CNTNAP3: variants seen among roughly 807,000 people sequenced by gnomAD.
CNTNAP3 encodes contactin associated protein family member 3, also known as contactin-associated protein-like 3.
In CNTNAP3, 36 loss-of-function variants were observed where a neutral mutation model predicts 92.1. The observed-to-expected ratio is 0.39, with a 90% CI of 0.30 to 0.52. CNTNAP3 has a LOEUF of 0.52. CNTNAP3 is among the 20% of genes least tolerant of loss of function. The pLI, the probability that CNTNAP3 is intolerant of heterozygous loss-of-function variation, is 0.76. For missense variants in CNTNAP3, 534 were observed against 1,069.6 expected (o/e 0.50, Z 6.98); for synonymous variants, 232 against 422.3 (o/e 0.55, Z 5.53).
intron 21 of CNTNAP3, chr9:39,084,870 G>C (rs374982607): frequency 1.3e-5 from 2 of 151,376 alleles, no homozygotes; most frequent in African/African-American, 4.9e-5. Flanking sequence ...AATTGCTTCT[G>C]AGTATATACT....
intron 9 of CNTNAP3, among the ~76,000 whole-genome samples, chr9:39,162,872 C>T (rs1822103266): frequency 7.0e-6 from 1 of 142,902 alleles, no homozygotes; most frequent in African/African-American, 2.7e-5. Context: ...GTACTATGCT[C>T]ATTACCTGGG....
chr9:39,131,261 T>C (rs944860697), intron 13 of CNTNAP3, among the ~76,000 whole-genome samples: 5 of 152,170 alleles, frequency 3.3e-5, no homozygotes, highest in East Asian at 1.9e-4. Flanking sequence ...ATGTAAGCTA[T>C]CTCATTTATA....
At chr9:39,238,539 A>C (rs1402382317) in intron 3 of CNTNAP3, among the ~76,000 whole-genome samples, 238 of 4,968 alleles carry the variant, frequency 0.048, 109 homozygotes, top group African/African-American at 0.049. Context: ...AAATAAAAAA[A>C]AAACAAAAAA....
At chr9:39,085,683 CCA>C in intron 21 of CNTNAP3, 51 bp downstream of exon 21, 1 of 1,346,292 alleles carries the variant, frequency 7.4e-7, no homozygotes, top group African/African-American at 1.5e-5. Flanking sequence ...ATGAATGCTT[CCA>C]GAGTTTGTGA....
chr9:39,151,715 C>T (rs374881986), intron 9 of CNTNAP3, among the ~76,000 whole-genome samples: 3 of 147,524 alleles, frequency 2.0e-5, no homozygotes, highest in African/African-American at 7.6e-5. Flanking sequence ...TGGTGTAATG[C>T]CAATGACAAG....
At chr9:39,149,286 A>G (rs938419509) in intron 10 of CNTNAP3, among the ~76,000 whole-genome samples, 1 of 152,110 alleles carries the variant, frequency 6.6e-6, no homozygotes, top group African/African-American at 2.4e-5. Context: ...CATAAGGTGT[A>G]TGTCTTCTAA....
intron 14 of CNTNAP3, among the ~76,000 whole-genome samples, chr9:39,111,010 T>C (rs1365358741): frequency 2.6e-5 from 4 of 152,162 alleles, no homozygotes; most frequent in South Asian, 2.1e-4. Flanking sequence ...TGCAACACTT[T>C]TGTATTTTCA....
rs2118321557 is a variant in CNTNAP3, at chr9:39,066,511, G to A, written c.*7379C>T. 6.6e-6 allele frequency among the ~76,000 whole-genome samples: 1 copy of A among 152,320 alleles called. No individual in the cohort carries two copies. Among genetic ancestry groups the A allele is most frequent in the South Asian group, 2.1e-4 (1 of 4,832 alleles). ...TTCTTTATTTTCCTTCTTCCTGAAAGGCTTTTACACTGTTCTCATAGTCCA... is the reference window on the plus strand; with the variant it reads ...TTCTTTATTTTCCTTCTTCCTGAAAAGCTTTTACACTGTTCTCATAGTCCA... On this transcript the variant is annotated 3_prime_UTR_variant, in exon 24 of 24. Coordinates refer to ENST00000297668, the MANE Select transcript of CNTNAP3 (RefSeq NM_033655.5).
intron 15 of CNTNAP3, among the ~76,000 whole-genome samples, chr9:39,104,205 A>G (rs1349000500): frequency 1.3e-5 from 2 of 152,094 alleles, no homozygotes; most frequent in South Asian, 4.1e-4. Context: ...GGTCAAGTTC[A>G]GAATCACCTC....
intron 12 of CNTNAP3, among the ~76,000 whole-genome samples, chr9:39,135,296 A>G (rs1357198135): frequency 6.6e-6 from 1 of 152,054 alleles, no homozygotes; most frequent in African/African-American, 2.4e-5. Flanking sequence ...TATTAGAGAT[A>G]GGGTCTCCCT....
chr9:39,111,409 T>C (rs1826745090), intron 14 of CNTNAP3, among the ~76,000 whole-genome samples: 1 of 152,196 alleles, frequency 6.6e-6, no homozygotes, highest in South Asian at 2.1e-4. Context: ...AAAAATACAC[T>C]TAATGGTAAA....
intron 14 of CNTNAP3, among the ~76,000 whole-genome samples, chr9:39,112,591 C>T (rs529374037): frequency 1.2e-3 from 185 of 152,224 alleles, no homozygotes; most frequent in African/African-American, 3.0e-3. Context: ...GTCTCGAACT[C>T]CTGACTTCAT....
At chr9:39,082,086 C>CAAAAA (rs34730493) in intron 21 of CNTNAP3, among the ~76,000 whole-genome samples, 6 of 102,324 alleles carry the variant, frequency 5.9e-5, no homozygotes, top group African/African-American at 9.7e-5. Flanking sequence ...AACTCGATCT[C>CAAAAA]AAAAAAAAAA....
intron 10 of CNTNAP3, among the ~76,000 whole-genome samples, chr9:39,147,147 T>C (rs1379149566): frequency 2.6e-5 from 4 of 152,138 alleles, no homozygotes; most frequent in Admixed American, 2.0e-4. Context: ...TCTGCTATCA[T>C]TGTGAGGCCT....
chr9:39,132,129 T>C (rs867068844), intron 13 of CNTNAP3, among the ~76,000 whole-genome samples: 2,637 of 151,980 alleles, frequency 0.017, 71 homozygotes, highest in African/African-American at 0.06. Context: ...CCAGTGATCC[T>C]CCCGCCTATA....
intron 10 of CNTNAP3, among the ~76,000 whole-genome samples, chr9:39,146,894 G>C (rs539080384): frequency 1.6e-4 from 24 of 152,262 alleles, no homozygotes; most frequent in South Asian, 1.2e-3. Flanking sequence ...TTGTGAATTA[G>C]TGATACGGTT....
chr9:39,135,232 G>A (rs1302068332), intron 12 of CNTNAP3, among the ~76,000 whole-genome samples: 1 of 152,090 alleles, frequency 6.6e-6, no homozygotes, highest in Admixed American at 6.5e-5. Flanking sequence ...ATTGGAACTG[G>A]AAAGGATCTT....
rs573627690 is a variant in CNTNAP3, at chr9:39,144,103, A to T, written c.1756+137T>A. ...GTATTAAATAAGGTGGATTAAAAGT[A>T]AACTAGAAATTGAGTGCTGAAATAT... On this transcript the variant is annotated intron_variant, in intron 11 of 23. Coordinates refer to ENST00000297668, the MANE Select transcript of CNTNAP3 (RefSeq NM_033655.5). The T allele has an allele frequency of 7.4e-4, 1,039 of 1,408,982 alleles. 7 individuals carry two copies. The African/African-American group carries it at 0.014, about 19-fold the overall frequency. The allele number at this position is 1,408,982 out of a possible 1,614,324, so 87.3% of individuals were successfully genotyped here. A position where few individuals can be genotyped will look rare whatever the true frequency, so the allele number is the denominator to read the frequency against.
At chr9:39,131,633 C>A (rs944806984) in intron 13 of CNTNAP3, among the ~76,000 whole-genome samples, 1 of 152,132 alleles carries the variant, frequency 6.6e-6, no homozygotes, top group African/African-American at 2.4e-5. Flanking sequence ...CAAGAACAGC[C>A]TGACCAACAC....
Sources: gnomAD v4.1 joint callset for allele counts (sites outside exome capture counted in the v4.1 genomes callset) on GRCh38, gnomAD v4.1.1 for gene constraint, MANE v1.5 for transcripts, NCBI Gene and HGNC (gene_info 2026-07-23, HGNC 2026-07-21) for gene names.